The following C3orf70 variants were observed in gnomAD, a reference collection of about 807,000 sequenced individuals.
C3orf70 encodes the protein UPF0524 protein C3orf70.
A neutral mutation model predicts 20.7 loss-of-function variants in C3orf70; 15 were observed. That is an observed-to-expected ratio of 0.72 (90% CI 0.48 to 1.11). The LOEUF is 1.11. C3orf70 is among the 50% of genes most tolerant of loss of function. C3orf70 has a pLI of 0.00. For missense variants in C3orf70, 332 were observed against 317.6 expected, an observed-to-expected ratio of 1.05 and a Z score of -0.34; for synonymous variants, 161 against 125.7, an observed-to-expected ratio of 1.28 and a Z score of -1.88.
intron 1 of C3orf70, among the ~76,000 whole-genome samples, chr3:185,126,813 A>G (rs1025384248): frequency 1.2e-4 from 18 of 152,212 alleles, no homozygotes; most frequent in Non-Finnish European, 1.5e-4. Context: ...CCAATCGCAC[A>G]GTTGTATGGC....
intron 1 of C3orf70, among the ~76,000 whole-genome samples, chr3:185,141,827 C>CAT (rs1716754912): frequency 1.4e-5 from 2 of 147,352 alleles, no homozygotes; most frequent in Admixed American, 1.3e-4. Flanking sequence ...CACACACACA[C>CAT]ACACACACAT....
chr3:185,117,223 T>C (rs1386767642), intron 1 of C3orf70, among the ~76,000 whole-genome samples: 1 of 152,220 alleles, frequency 6.6e-6, no homozygotes, highest in Non-Finnish European at 1.5e-5. Context: ...AATCTAGGAA[T>C]TTCCCAATTG....
intron 1 of C3orf70, among the ~76,000 whole-genome samples, chr3:185,094,707 A>C (rs555974015): frequency 6.6e-6 from 1 of 152,270 alleles, no homozygotes; most frequent in African/African-American, 2.4e-5. Flanking sequence ...TAGGTGGCCA[A>C]ATAAGGGTTT....
At chr3:185,091,940 TATATATATATATATATATATATA>T (rs1452185468) in intron 1 of C3orf70, among the ~76,000 whole-genome samples, 98 of 4,832 alleles carry the variant, frequency 0.02, 5 homozygotes, top group African/African-American at 0.085. Context: ...TATATATATA[TATATATATATATATATATATATA>T]TTTTTTTTTT....
chr3:185,107,518 G>C (rs1192530002), intron 1 of C3orf70, among the ~76,000 whole-genome samples: 2 of 152,186 alleles, frequency 1.3e-5, no homozygotes, highest in Non-Finnish European at 2.9e-5. Context: ...AATAATTTTT[G>C]ATGGTGGCCA....
rs1285597777 is a variant in C3orf70 at position 185,078,119 on chromosome 3, T to C, written c.*4888A>G. Reference sequence around the variant, plus strand: ...AGTTATTTTCCTAAAGTGTTACATATCAAGGAAAGTTGAGCTGTCTGTAGG... The same window carrying C: ...AGTTATTTTCCTAAAGTGTTACATACCAAGGAAAGTTGAGCTGTCTGTAGG... On this transcript the variant is annotated 3_prime_UTR_variant, in exon 2 of 2. Coordinates refer to ENST00000335012, the MANE Select transcript of C3orf70 (RefSeq NM_001025266.3). 1 of 152,590 alleles carries C rather than the reference T, an allele frequency of 6.6e-6. No homozygotes were observed. The highest frequency in any genetic ancestry group is 1.5e-5 in the Non-Finnish European group (1 of 68,032). 9.5% of individuals were successfully genotyped at this position (152,590 alleles called of 1,614,324 possible).
At chr3:185,140,726 A>G (rs1312622660) in intron 1 of C3orf70, among the ~76,000 whole-genome samples, 1 of 150,900 alleles carries the variant, frequency 6.6e-6, no homozygotes, top group Admixed American at 6.6e-5. Context: ...AGGCGGATGG[A>G]TCACTTGAGT....
At chr3:185,131,663 T>G (rs1716526111) in intron 1 of C3orf70, among the ~76,000 whole-genome samples, 1 of 152,160 alleles carries the variant, frequency 6.6e-6, no homozygotes, top group Non-Finnish European at 1.5e-5. Context: ...ACTACATTGA[T>G]GAACTGACAA....
rs1009904989 is a variant in C3orf70, at chr3:185,152,494, G to A, written c.196+134C>T. 7 of 657,712 alleles carry A rather than the reference G, an allele frequency of 1.1e-5. No homozygotes were observed. The African/African-American group carries it at 1.2e-4, about 11-fold the overall frequency. 40.7% of individuals were successfully genotyped at this position (657,712 alleles called of 1,614,324 possible). On this transcript the variant is annotated intron_variant, in intron 1 of 1. Coordinates refer to ENST00000335012, the MANE Select transcript of C3orf70 (RefSeq NM_001025266.3). ...TCCGGCGGGCCCGGAGCCCACGGCG[G>A]CCCCAGCCTCCGGCAGAGCAGCCCC...
chr3:185,129,002 A>G (rs1716473567), intron 1 of C3orf70, among the ~76,000 whole-genome samples: 1 of 152,212 alleles, frequency 6.6e-6, no homozygotes, highest in African/African-American at 2.4e-5. Flanking sequence ...TAAAAATTCA[A>G]TTATCTATTT....
At chr3:185,104,455 C>T (rs922169208) in intron 1 of C3orf70, among the ~76,000 whole-genome samples, 2 of 152,074 alleles carry the variant, frequency 1.3e-5, no homozygotes, top group African/African-American at 4.8e-5. Flanking sequence ...GCCATTTGAC[C>T]CAGCAATCCC....
chr3:185,097,400 T>C (rs1715731075), intron 1 of C3orf70, among the ~76,000 whole-genome samples: 2 of 152,168 alleles, frequency 1.3e-5, no homozygotes, highest in Admixed American at 1.3e-4. Context: ...CTCAATAATA[T>C]CAAAAATAAC....
At chr3:185,107,439 GA>G in intron 1 of C3orf70, among the ~76,000 whole-genome samples, 1 of 152,218 alleles carries the variant, frequency 6.6e-6, no homozygotes, top group South Asian at 2.1e-4. Context: ...TATGGGACTA[GA>G]AAAAAATTTG....
chr3:185,102,242 T>C (rs1252772180), intron 1 of C3orf70, among the ~76,000 whole-genome samples: 1 of 152,170 alleles, frequency 6.6e-6, no homozygotes. Flanking sequence ...AAATTCAATG[T>C]ACAGAAATGA....
intron 1 of C3orf70, among the ~76,000 whole-genome samples, chr3:185,107,138 C>CATTTCA (rs763225395): frequency 2.0e-5 from 3 of 152,184 alleles, no homozygotes; most frequent in Non-Finnish European, 4.4e-5. Flanking sequence ...CAGGAGCGGA[C>CATTTCA]ATTTCAATCA....
chr3:185,119,316 G>C (rs1716243830), intron 1 of C3orf70, among the ~76,000 whole-genome samples: 1 of 152,152 alleles, frequency 6.6e-6, no homozygotes. Context: ...ACAGCACGGT[G>C]ACTATAGTTA....
rs1449692262 is a variant in C3orf70 at position 185,081,104 on chromosome 3, C to CAGGGG, written c.*1898_*1902dup. On this transcript the variant is annotated 3_prime_UTR_variant, in exon 2 of 2. Transcript: ENST00000335012. ...TGTGAATGATGCCAAATGGAGGCTTCAGGGGAGAACACAACTTTTTCTTAC... is the reference window on the plus strand; with the variant it reads ...TGTGAATGATGCCAAATGGAGGCTTCAGGGGAGGGGAGAACACAACTTTTTCTTAC... The CAGGGG allele has an allele frequency of 6.6e-6, 1 of 152,064 alleles. No individual in the cohort carries two copies. Among genetic ancestry groups the CAGGGG allele is most frequent in the African/African-American group, 2.4e-5 (1 of 41,388 alleles). 9.4% of individuals were successfully genotyped at this position (152,064 alleles called of 1,614,324 possible).
chr3:185,136,785 G>A (rs1249819756), intron 1 of C3orf70, among the ~76,000 whole-genome samples: 1 of 111,774 alleles, frequency 8.9e-6, no homozygotes, highest in Non-Finnish European at 2.2e-5. Flanking sequence ...GGTGGTGCAC[G>A]CCTGTAATCC....
Position 185,083,409 on chromosome 3 carries a change from G to C in C3orf70, c.351C>G (p.Pro117=). 1.2e-6 allele frequency: 2 copies of C among 1,614,120 alleles called. No individual in the cohort carries two copies. Among genetic ancestry groups the C allele is most frequent in the Non-Finnish European group, 1.7e-6 (2 of 1,180,030 alleles). ...KFASVFQPPL[P]PDSPRYCMIS... ...TCATACAGTACCTCGGTGAGTCAGG[G>C]GGAAGGGGAGGCTGGAAGACAGATG... is the stretch of plus-strand genomic sequence containing the variant. Residue 117 remains proline, a synonymous_variant, in exon 2 of 2, where the codon CCC becomes CCG. Transcript: ENST00000335012.
Sources: gnomAD v4.1 joint callset for allele counts (sites outside exome capture counted in the v4.1 genomes callset) on GRCh38, gnomAD v4.1.1 for gene constraint, MANE v1.5 for transcripts, NCBI Gene and HGNC (gene_info 2026-07-23, HGNC 2026-07-21) for gene names.